Variants in NAV3 observed in about 807,000 individuals in gnomAD.
NAV3 encodes the protein pore membrane and/or filament interacting like protein 1.
A neutral mutation model predicts 244.7 loss-of-function variants in NAV3; 87 were observed. That is an observed-to-expected ratio of 0.36 (90% confidence interval 0.30 to 0.42). The LOEUF (loss-of-function observed/expected upper bound fraction) is 0.42. Ranked by LOEUF, NAV3 falls within the 20% of genes least tolerant of loss-of-function variation. NAV3 has a pLI of 1.00. For synonymous variants in NAV3, 1,126 were observed against 1,042.2 expected (o/e 1.08, Z -1.55); for missense variants, 2,663 against 2,893.3 (o/e 0.92, Z 1.83).
intron 2 of NAV3, among the ~76,000 whole-genome samples, chr12:77,805,974 C>G (rs919000809): frequency 6.6e-6 from 1 of 152,142 alleles, no homozygotes; most frequent in Non-Finnish European, 1.5e-5. Flanking sequence ...ATTGTATTCT[C>G]TGATGGTAGT....
intron 37 of NAV3, among the ~76,000 whole-genome samples, chr12:78,200,095 A>G (rs1959482777): frequency 6.6e-6 from 1 of 152,106 alleles, no homozygotes; most frequent in African/African-American, 2.4e-5. Context: ...TTAGATTAGG[A>G]AGAAGAATTC....
At chr12:78,187,436 C>G (rs1958772895) in intron 31 of NAV3, among the ~76,000 whole-genome samples, 1 of 151,854 alleles carries the variant, frequency 6.6e-6, no homozygotes, top group African/African-American at 2.4e-5. Context: ...ATTATATCTA[C>G]TGGAATCATA....
At chr12:77,734,869 C>G (rs1786725016) in intron 2 of NAV3, among the ~76,000 whole-genome samples, 1 of 152,154 alleles carries the variant, frequency 6.6e-6, no homozygotes, top group Non-Finnish European at 1.5e-5. Flanking sequence ...AACAGAATTA[C>G]TACTGAAGGG....
At chr12:77,573,419 G>T (rs2136647503) in intron 2 of NAV3, among the ~76,000 whole-genome samples, 2 of 152,302 alleles carry the variant, frequency 1.3e-5, no homozygotes, top group Middle Eastern at 6.8e-3. Context: ...TTTTTGTGCA[G>T]TGTCAGTAAA....
intron 12 of NAV3, among the ~76,000 whole-genome samples, chr12:78,077,280 T>G (rs948698279): frequency 5.3e-5 from 8 of 152,178 alleles, no homozygotes; most frequent in African/African-American, 1.9e-4. Flanking sequence ...CTAAATTAAG[T>G]TGGATTTCAA....
intron 2 of NAV3, among the ~76,000 whole-genome samples, chr12:77,767,621 G>A (rs748539417): frequency 2.6e-5 from 4 of 152,314 alleles, no homozygotes; most frequent in African/African-American, 4.8e-5. Flanking sequence ...CACAGACACC[G>A]GCTCCATGTA....
intron 2 of NAV3, among the ~76,000 whole-genome samples, chr12:77,815,620 C>A (rs1002850801): frequency 3.3e-5 from 5 of 152,120 alleles, no homozygotes; most frequent in African/African-American, 1.2e-4. Flanking sequence ...TTTAAAATTA[C>A]ATCATAGTCC....
At chr12:78,156,357 C>T (rs1433850035) in intron 22 of NAV3, among the ~76,000 whole-genome samples, 2 of 151,980 alleles carry the variant, frequency 1.3e-5, no homozygotes, top group African/African-American at 2.4e-5. Context: ...GAAAACAACA[C>T]GACTCAAAAT....
intron 2 of NAV3, among the ~76,000 whole-genome samples, chr12:77,581,860 T>C (rs1869380075): frequency 6.6e-6 from 1 of 152,240 alleles, no homozygotes; most frequent in South Asian, 2.1e-4. Flanking sequence ...TGGTAGGTAA[T>C]AGTAAAACTA....
chr12:77,911,934 GT>G (rs1427180032), intron 1 of NAV3, among the ~76,000 whole-genome samples: 1 of 151,968 alleles, frequency 6.6e-6, no homozygotes, highest in Non-Finnish European at 1.5e-5. Flanking sequence ...ACAGTTCTAT[GT>G]TTAAATCAAG....
intron 22 of NAV3, among the ~76,000 whole-genome samples, chr12:78,158,478 T>G (rs1346797945): frequency 1.3e-5 from 2 of 152,142 alleles, no homozygotes; most frequent in Admixed American, 1.3e-4. Context: ...TATAGTTATG[T>G]ACTACAATAT....
At chr12:77,596,792 C>A (rs116597534) in intron 2 of NAV3, among the ~76,000 whole-genome samples, 4 of 151,716 alleles carry the variant, frequency 2.6e-5, no homozygotes, top group Non-Finnish European at 1.5e-5. Flanking sequence ...TGACTTTTTG[C>A]GGGAAAAAAG....
In NAV3 at chr12:78,119,483, T is replaced by A. The variant is rs2138613543; in HGVS notation, c.3287T>A (p.Ile1096Asn). The change falls in exon 15 of 40, where the codon ATT becomes AAT. Residue 1096 changes from isoleucine to asparagine, a missense_variant. Physicochemically the swap from Ile to Asn is moderately radical, Grantham distance 149 (BLOSUM62 -3). Coordinates refer to ENST00000397909, the MANE Select transcript of NAV3 (RefSeq NM_001024383.2). ...AGTGGCTCTGCAACACTGGGTAAAATTCCAAAATCTGCTGCCATTGGCGGG... is the reference window on the plus strand; with the variant it reads ...AGTGGCTCTGCAACACTGGGTAAAAATCCAAAATCTGCTGCCATTGGCGGG... ...ITSGSATLGK[I>N]PKSAAIGGKS... 1.2e-6 allele frequency: 2 copies of A among 1,614,098 alleles called. No homozygotes were observed. The highest frequency in any genetic ancestry group is 1.7e-6 in the Non-Finnish European group (2 of 1,180,026).
chr12:78,088,485 C>G (rs1953750577), intron 12 of NAV3, among the ~76,000 whole-genome samples: 1 of 151,974 alleles, frequency 6.6e-6, no homozygotes, highest in Admixed American at 6.6e-5. Flanking sequence ...TTCACCTTCC[C>G]TTAGTTTGTT....
chr12:78,106,698 C>T (rs1199481785), intron 12 of NAV3, among the ~76,000 whole-genome samples: 1 of 152,150 alleles, frequency 6.6e-6, no homozygotes, highest in Non-Finnish European at 1.5e-5. Context: ...AGAGAAACTC[C>T]TCACACCTGG....
intron 22 of NAV3, among the ~76,000 whole-genome samples, chr12:78,156,960 C>T (rs1244165059): frequency 6.6e-6 from 1 of 152,118 alleles, no homozygotes; most frequent in African/African-American, 2.4e-5. Context: ...TTTGATTACA[C>T]TTGGGTGGTT....
chr12:77,876,549 G>T (rs1232991271), intron 1 of NAV3, among the ~76,000 whole-genome samples: 1 of 152,048 alleles, frequency 6.6e-6, no homozygotes, highest in Non-Finnish European at 1.5e-5. Context: ...CTGTCACTAA[G>T]TATGATGAAT....
At chr12:77,913,468 T>G (rs899879752) in intron 1 of NAV3, among the ~76,000 whole-genome samples, 1 of 152,120 alleles carries the variant, frequency 6.6e-6, no homozygotes, top group African/African-American at 2.4e-5. Context: ...AGTCTCACTC[T>G]GTCACCCAAG....
chr12:77,800,898 C>G (rs1483964539), intron 2 of NAV3, among the ~76,000 whole-genome samples: 1 of 151,984 alleles, frequency 6.6e-6, no homozygotes, highest in African/African-American at 2.4e-5. Flanking sequence ...ATCTAGGACA[C>G]TCTTCATCAC....
Sources: allele counts gnomAD v4.1 joint callset (sites outside exome capture counted in the v4.1 genomes callset), GRCh38; gene constraint gnomAD v4.1.1; transcripts MANE v1.5; gene names NCBI Gene and HGNC (gene_info 2026-07-23, HGNC 2026-07-21).